ERAP1: variants seen among roughly 807,000 people sequenced by gnomAD.
ERAP1 encodes endoplasmic reticulum aminopeptidase 1.
ERAP1 carries 86 observed loss-of-function variants against 103.7 expected under a neutral mutation model. The ratio of observed to expected loss-of-function variants is 0.83; its 90% CI spans 0.70 to 0.99. ERAP1 has a LOEUF of 0.99. Ranked by LOEUF, ERAP1 falls within the 50% of genes least tolerant of loss-of-function variation. The pLI is 0.00. For missense variants in ERAP1, 1,009 were observed against 1,128.4 expected, an observed-to-expected ratio of 0.89 and a Z score of 1.52; for synonymous variants, 398 against 402.4, an observed-to-expected ratio of 0.99 and a Z score of 0.13.
chr5:96,806,623 C>CTTTTTTT (rs75649816), intron 1 of ERAP1, among the ~76,000 whole-genome samples: 5 of 128,018 alleles, frequency 3.9e-5, no homozygotes, highest in Non-Finnish European at 6.5e-5. Flanking sequence ...CAAGATCCCT[C>CTTTTTTT]TTTTTTTTTT....
chr5:96,878,345 A>G, the ERAP1 span, among the ~76,000 whole-genome samples: 1 of 152,198 alleles, frequency 6.6e-6, no homozygotes, highest in African/African-American at 2.4e-5. Context: ...ACCAGTAGCC[A>G]TAAAATGAGG....
At chr5:96,920,145 C>CA in the ERAP1 span, among the ~76,000 whole-genome samples, 2 of 151,844 alleles carry the variant, frequency 1.3e-5, no homozygotes, top group Non-Finnish European at 2.9e-5. Flanking sequence ...ACCGTTTCCA[C>CA]AAAAAAATAC....
chr5:96,803,516 C>A lies in ERAP1; in HGVS notation c.411G>T (p.Glu137Asp). The A allele has an allele frequency of 7.4e-6, 12 of 1,613,422 alleles. No homozygotes were observed. The highest frequency in any genetic ancestry group is 2.2e-5 in the East Asian group (1 of 44,876). Residue 137 changes from glutamate to aspartate, a missense_variant, in exon 2 of 19, where the codon GAG (glutamate) becomes GAT (aspartate). Glu to Asp is a conservative substitution (Grantham distance 45). This residue lies in a region of ERAP1 where 392 missense variants were observed against 455.2 expected (regional missense o/e 0.86). Coordinates refer to ENST00000443439, the MANE Select transcript of ERAP1 (RefSeq NM_001040458.3). ...TGTACGGGAGCCCGACAAGGAGGGGCTCGGGAGCCAGCAGTGCAATTTGCT... is the reference window on the plus strand; with the variant it reads ...TGTACGGGAGCCCGACAAGGAGGGGATCGGGAGCCAGCAGTGCAATTTGCT... ...RQEQIALLAP[E>D]PLLVGLPYTV...
chr5:96,854,000 A>T, the ERAP1 span, among the ~76,000 whole-genome samples: 2 of 152,314 alleles, frequency 1.3e-5, no homozygotes, highest in East Asian at 3.9e-4. Flanking sequence ...GGGTTTTGAA[A>T]GATGTCACCT....
chr5:96,920,306 TAAA>T, the ERAP1 span, among the ~76,000 whole-genome samples: 3 of 143,066 alleles, frequency 2.1e-5, no homozygotes, highest in Non-Finnish European at 3.0e-5. Flanking sequence ...CCCTGTCATT[TAAA>T]AAAAAAAAAA....
At chr5:96,822,841 T>G in the ERAP1 span, 1 of 286,786 alleles carries the variant, frequency 3.5e-6, no homozygotes, top group Non-Finnish European at 7.0e-6. Flanking sequence ...ATCTCACAGT[T>G]TCTGAGGGCC....
chr5:96,910,360 T>A, the ERAP1 span: 1 of 152,180 alleles, frequency 6.6e-6, no homozygotes, highest in Admixed American at 6.5e-5. Context: ...TTTGAAATCC[T>A]TTCTTGAATT....
At chr5:96,889,831 T>TAC in the ERAP1 span, among the ~76,000 whole-genome samples, 2,307 of 148,738 alleles carry the variant, frequency 0.016, 20 homozygotes, top group South Asian at 0.029. Context: ...AAAAAATACA[T>TAC]ACACACACAC....
chr5:96,813,420 C>G, the ERAP1 span, among the ~76,000 whole-genome samples: 12 of 151,906 alleles, frequency 7.9e-5, no homozygotes, highest in Non-Finnish European at 1.6e-4. Context: ...TTTGGGAGGC[C>G]AAGGCAGGAA....
At chr5:96,815,909 T>C in the ERAP1 span, among the ~76,000 whole-genome samples, 1 of 152,170 alleles carries the variant, frequency 6.6e-6, no homozygotes, top group Non-Finnish European at 1.5e-5. Flanking sequence ...TATGTGTGGA[T>C]AGACGGATGG....
At chr5:96,796,669 G>A (rs372309684) in intron 4 of ERAP1, among the ~76,000 whole-genome samples, 13 of 152,200 alleles carry the variant, frequency 8.5e-5, no homozygotes, top group African/African-American at 2.9e-4. Flanking sequence ...CTCTCTCCAC[G>A]TTGTTGTTAT....
chr5:96,849,042 T>A, the ERAP1 span, among the ~76,000 whole-genome samples: 9 of 152,132 alleles, frequency 5.9e-5, no homozygotes, highest in Non-Finnish European at 1.0e-4. Flanking sequence ...ACCATCACAA[T>A]AGATGCAAAA....
At chr5:96,818,622 T>C in the ERAP1 span, among the ~76,000 whole-genome samples, 2 of 152,082 alleles carry the variant, frequency 1.3e-5, no homozygotes, top group African/African-American at 4.8e-5. Flanking sequence ...ACTACCTCTT[T>C]CCTCCAGCTT....
At chr5:96,920,527 C>A in the ERAP1 span, among the ~76,000 whole-genome samples, 1 of 152,176 alleles carries the variant, frequency 6.6e-6, no homozygotes, top group African/African-American at 2.4e-5. Flanking sequence ...ATCCCACCCC[C>A]AGCCATAGGG....
chr5:96,875,676 T>A, the ERAP1 span, among the ~76,000 whole-genome samples: 5 of 152,202 alleles, frequency 3.3e-5, no homozygotes, highest in South Asian at 1.0e-3. Flanking sequence ...CAAAGGGTGT[T>A]TATCTGGGGA....
chr5:96,804,225 G>T (rs543123172), intron 1 of ERAP1: 1 of 438,452 alleles, frequency 2.3e-6, no homozygotes, highest in South Asian at 2.1e-5. Context: ...GAAAGCAACC[G>T]AACAAGCTCT....
chr5:96,782,738 T>A (rs1004614482), intron 15 of ERAP1, among the ~76,000 whole-genome samples: 2 of 152,218 alleles, frequency 1.3e-5, no homozygotes, highest in African/African-American at 2.4e-5. Flanking sequence ...TACTATAAAA[T>A]ACAATGCATG....
At chr5:96,815,326 C>G in the ERAP1 span, among the ~76,000 whole-genome samples, 6 of 151,806 alleles carry the variant, frequency 4.0e-5, no homozygotes, top group African/African-American at 1.5e-4. Context: ...GTTTATGTCA[C>G]TAATTTGATC....
intron 18 of ERAP1, 104 bp from the exon 19 acceptor site, chr5:96,776,655 A>G (rs1774354910): frequency 6.6e-7 from 1 of 1,507,684 alleles, no homozygotes; most frequent in Admixed American, 2.0e-5. Context: ...TCAAAATTCT[A>G]TATAGAAGGC....
Sources: gnomAD v4.1 joint callset for allele counts (sites outside exome capture counted in the v4.1 genomes callset) on GRCh38, gnomAD v4.1.1 for gene constraint, gnomAD v4.1.1 regional missense constraint, MANE v1.5 for transcripts, NCBI Gene and HGNC (gene_info 2026-07-23, HGNC 2026-07-21) for gene names.